The following CCZ1 variants were observed in gnomAD, a reference collection of about 807,000 sequenced individuals.
CCZ1 encodes the protein vacuolar fusion protein CCZ1 homolog.
In CCZ1, 19 loss-of-function variants were observed where a neutral mutation model predicts 57.8. The observed-to-expected ratio is 0.33, with a 90% CI of 0.23 to 0.48. The LOEUF (loss-of-function observed/expected upper bound fraction) is 0.48. Among genes scored for constraint, CCZ1 ranks in the 20% least tolerant of loss-of-function variants. The probability of loss-of-function intolerance (pLI) is 0.99; values close to 1 mark genes in which losing one functional copy is unlikely to be tolerated. For synonymous variants in CCZ1, 81 were observed against 167.0 expected (o/e 0.49, Z 3.97); for missense variants, 200 against 492.0 (o/e 0.41, Z 5.61).
At chr7:5,902,203 T>TG (rs1781698109) in intron 5 of CCZ1, 1 of 181,520 alleles carries the variant, frequency 5.5e-6, no homozygotes, top group African/African-American at 2.5e-5. Flanking sequence ...GAGGCTGAGG[T>TG]GGGAGGATCG....
At chr7:5,912,377 C>CTTTTTTTTTTTTTT (rs4036238) in intron 9 of CCZ1, among the ~76,000 whole-genome samples, 1 of 54,702 alleles carries the variant, frequency 1.8e-5, no homozygotes, top group Admixed American at 3.1e-4. Flanking sequence ...TCAGCATACC[C>CTTTTTTTTTTTTTT]TTTTTTTTTT....
rs558700770 is a variant in CCZ1, at chr7:5,904,015, A to G, written c.523-1079A>G. On this transcript the variant is annotated intron_variant, in intron 6 of 14. Coordinates refer to ENST00000325974, the MANE Select transcript of CCZ1 (RefSeq NM_015622.6). Reference sequence around the variant, plus strand: ...TCTCGGGGGGGGAAATAAAGATGGCACTCTCTGTAGTATTAATGGATAGAT... The same window carrying G: ...TCTCGGGGGGGGAAATAAAGATGGCGCTCTCTGTAGTATTAATGGATAGAT... Among the ~76,000 whole-genome samples, 15 of 137,714 alleles carry G rather than the reference A, an allele frequency of 1.1e-4. 2 individuals are homozygous for G. Among genetic ancestry groups the G allele is most frequent in the African/African-American group, 4.2e-4 (15 of 35,484 alleles). The allele number at this position is 137,714 out of a possible 152,430, so 90.3% of individuals were successfully genotyped here. A position where few individuals can be genotyped will look rare whatever the true frequency, so the allele number is the denominator to read the frequency against.
chr7:5,909,699 A>G (rs1583186068), intron 7 of CCZ1, among the ~76,000 whole-genome samples: 1 of 36,382 alleles, frequency 2.7e-5, no homozygotes, highest in Admixed American at 3.8e-4. Flanking sequence ...CCTTGTCTCA[A>G]AAAAAAAAAG....
At chr7:5,924,675 C>G (rs1340606084) in intron 14 of CCZ1, 2 of 127,084 alleles carry the variant, frequency 1.6e-5, no homozygotes, top group African/African-American at 2.9e-5. Context: ...CCCGCCAAAG[C>G]GGCCAGCCTT....
chr7:5,912,376 C>CTTT (rs1779057480), intron 9 of CCZ1, among the ~76,000 whole-genome samples: 1 of 99,850 alleles, frequency 1.0e-5, no homozygotes, highest in Non-Finnish European at 1.9e-5. Flanking sequence ...TTCAGCATAC[C>CTTT]CTTTTTTTTT....
chr7:5,901,450 G>T lies in CCZ1; in HGVS notation c.391-207G>T, dbSNP rs568762991. 376 of 773,744 alleles carry T rather than the reference G, an allele frequency of 4.9e-4. 27 individuals carry two copies. The African/African-American group carries it at 5.2e-3, about 11-fold the overall frequency. 47.9% of individuals were successfully genotyped at this position (773,744 alleles called of 1,614,324 possible). ...CAGTGAGCCAAGATTGTACCACTGC[G>T]CTCCAGCCTGGACAACAGAGCGAGA... On this transcript the variant is annotated intron_variant, in intron 4 of 14. Coordinates refer to ENST00000325974, the MANE Select transcript of CCZ1 (RefSeq NM_015622.6).
At chr7:5,912,146 C>T (rs1236374220) in intron 9 of CCZ1, among the ~76,000 whole-genome samples, 2 of 147,542 alleles carry the variant, frequency 1.4e-5, no homozygotes, top group African/African-American at 5.1e-5. Flanking sequence ...TTAGTAGAAA[C>T]AGGGTTTCAT....
chr7:5,920,409 G>A (rs1476914736), intron 12 of CCZ1, among the ~76,000 whole-genome samples: 1 of 121,198 alleles, frequency 8.3e-6, no homozygotes, highest in Non-Finnish European at 1.8e-5. Flanking sequence ...GAGTGGGAGA[G>A]GCGGGATTCA....
chr7:5,899,334 G>GGTGTGTGTGTGTGTGTGTGTGTGT (rs869199583), intron 1 of CCZ1, among the ~76,000 whole-genome samples: 1 of 12,558 alleles, frequency 8.0e-5, no homozygotes, highest in Admixed American at 1.2e-3. Context: ...TCGGGAGGGG[G>GGTGTGTGTGTGTGTGTGTGTGTGT]GTGTGTGTGT....
intron 12 of CCZ1, among the ~76,000 whole-genome samples, chr7:5,922,736 T>C (rs1388504196): frequency 6.6e-6 from 1 of 150,526 alleles, no homozygotes; most frequent in Non-Finnish European, 1.5e-5. Flanking sequence ...CCACTGGGGA[T>C]GATATGAGGG....
intron 7 of CCZ1, among the ~76,000 whole-genome samples, chr7:5,908,170 C>T (rs1382514222): frequency 1.4e-5 from 2 of 143,482 alleles, no homozygotes; most frequent in Non-Finnish European, 3.0e-5. Context: ...TATTAAATAC[C>T]AAAAAGACTT....
At chr7:5,903,868 G>A (rs191008505) in intron 6 of CCZ1, among the ~76,000 whole-genome samples, 1,572 of 144,568 alleles carry the variant, frequency 0.011, 73 homozygotes, top group Non-Finnish European at 0.013. Context: ...GGTGGCGCAC[G>A]CCTGTAATCC....
In CCZ1 at chr7:5,901,520, T is replaced by C. The variant is rs928981561; in HGVS notation, c.391-137T>C. 13 of 1,348,094 alleles carry C rather than the reference T, an allele frequency of 9.6e-6. 1 individual carries two copies. The highest frequency in any genetic ancestry group is 9.2e-5 in the African/African-American group (6 of 65,104). The allele number at this position is 1,348,094 out of a possible 1,614,324, so 83.5% of individuals were successfully genotyped here. On this transcript the variant is annotated intron_variant, in intron 4 of 14. Transcript: ENST00000325974. ...AAAAAAGAACGCAAACACTTTTTTT[T>C]CAGCACGCAACTATTGTGGGACAAA...
rs1435889136 is a variant in CCZ1, at chr7:5,920,574, C to T, written c.1106+608C>T. Among the ~76,000 whole-genome samples, 7 of 127,742 alleles carry T rather than the reference C, an allele frequency of 5.5e-5. No homozygotes were observed. The East Asian group carries it at 1.5e-3, about 27-fold the overall frequency. The allele number at this position is 127,742 out of a possible 152,430, so 83.8% of individuals were successfully genotyped here. On this transcript the variant is annotated intron_variant, in intron 12 of 14. Coordinates refer to ENST00000325974, the MANE Select transcript of CCZ1 (RefSeq NM_015622.6). ...GCAGCCTCCGCCTCCCAGGCTCAAG[C>T]GATTCTCATGCCTCATCCTCTTGAG...
chr7:5,913,965 A>C, intron 10 of CCZ1, among the ~76,000 whole-genome samples: 1 of 132,838 alleles, frequency 7.5e-6, no homozygotes. Context: ...TCTTTCTCCC[A>C]GACAGAACTG....
intron 1 of CCZ1, among the ~76,000 whole-genome samples, chr7:5,899,657 C>T (rs1188116086): frequency 1.4e-5 from 2 of 144,794 alleles, no homozygotes; most frequent in African/African-American, 5.2e-5. Context: ...TTTCCAGTTA[C>T]TCAGGAGGCT....
chr7:5,906,412 T>TA (rs1781825016), intron 7 of CCZ1, among the ~76,000 whole-genome samples: 1 of 147,324 alleles, frequency 6.8e-6, no homozygotes, highest in East Asian at 2.3e-4. Flanking sequence ...AACTTCCCCT[T>TA]CCTGGGTTCA....
chr7:5,905,567 A>AG (rs1447727317), intron 7 of CCZ1, among the ~76,000 whole-genome samples: 2 of 145,150 alleles, frequency 1.4e-5, no homozygotes, highest in Non-Finnish European at 3.0e-5. Context: ...GTGAATCACG[A>AG]GGTCAGGAGT....
intron 3 of CCZ1, 79 bp from the exon 4 acceptor site, chr7:5,900,776 T>G: frequency 6.3e-7 from 1 of 1,576,234 alleles, no homozygotes; most frequent in Non-Finnish European, 8.6e-7. Flanking sequence ...CTGTAGCATG[T>G]TCAAAGTTTT....
Sources: gnomAD v4.1 joint callset for allele counts (sites outside exome capture counted in the v4.1 genomes callset) on GRCh38, gnomAD v4.1.1 for gene constraint, MANE v1.5 for transcripts, NCBI Gene and HGNC (gene_info 2026-07-23, HGNC 2026-07-21) for gene names.